Variants in RAB6B observed in about 807,000 individuals in gnomAD.
RAB6B encodes RAB6B, member RAS oncogene family.
RAB6B carries 7 observed loss-of-function variants against 31.2 expected under a neutral mutation model. The observed-to-expected ratio is 0.22, with a 90% CI of 0.13 to 0.42. RAB6B has a LOEUF of 0.42. Among genes scored for constraint, RAB6B ranks in the 10% least tolerant of loss-of-function variants. RAB6B has a pLI of 1.00. For synonymous variants in RAB6B, 105 were observed against 104.9 expected, an observed-to-expected ratio of 1.00 and a Z score of -0.01; for missense variants, 149 against 280.6, an observed-to-expected ratio of 0.53 and a Z score of 3.35.
intron 4 of RAB6B, among the ~76,000 whole-genome samples, 188 bp from the exon 5 acceptor site, chr3:133,839,805 T>G (rs1423250356): frequency 1.3e-5 from 2 of 152,190 alleles, no homozygotes; most frequent in East Asian, 3.9e-4. Context: ...GGCCCTGCCC[T>G]GCGGCCCTGG....
chr3:133,871,807 A>G (rs1405021), intron 1 of RAB6B, among the ~76,000 whole-genome samples: 111,230 of 152,190 alleles, frequency 0.73, 41,166 homozygotes, highest in African/African-American at 0.83. Context: ...CTAGCCCCTC[A>G]CAGAGCCAAG....
intron 2 of RAB6B, among the ~76,000 whole-genome samples, chr3:133,853,530 A>G (rs1936031507): frequency 6.6e-6 from 1 of 151,724 alleles, no homozygotes; most frequent in South Asian, 2.1e-4. Context: ...GCCCCACAGG[A>G]GCTACCATGC....
At chr3:133,853,938 T>A (rs181705223) in intron 2 of RAB6B, among the ~76,000 whole-genome samples, 61 of 152,288 alleles carry the variant, frequency 4.0e-4, no homozygotes, top group Non-Finnish European at 3.7e-4. Context: ...GCAATGTTTC[T>A]CAGTGTGGTT....
At chr3:133,836,042 C>T (rs1279880602) in intron 6 of RAB6B, among the ~76,000 whole-genome samples, 3 of 152,184 alleles carry the variant, frequency 2.0e-5, no homozygotes, top group African/African-American at 7.2e-5. Flanking sequence ...TGGGCTCATA[C>T]CCTCCACTGC....
chr3:133,871,360 A>G (rs1284844409), intron 1 of RAB6B, among the ~76,000 whole-genome samples: 1 of 152,228 alleles, frequency 6.6e-6, no homozygotes, highest in Non-Finnish European at 1.5e-5. Flanking sequence ...ATTTGGGCTG[A>G]GCCTTGATTG....
At chr3:133,879,995 A>G (rs1398644137) in intron 1 of RAB6B, among the ~76,000 whole-genome samples, 1 of 152,182 alleles carries the variant, frequency 6.6e-6, no homozygotes, top group Non-Finnish European at 1.5e-5. Flanking sequence ...GGCTCAACCC[A>G]ACTCTGGCCA....
intron 1 of RAB6B, 118 bp from the exon 2 acceptor site, chr3:133,864,760 G>T: frequency 2.0e-6 from 2 of 998,670 alleles, no homozygotes; most frequent in South Asian, 1.3e-5. Context: ...AGGCCGAGTT[G>T]CAGAAATACA....
intron 1 of RAB6B, among the ~76,000 whole-genome samples, chr3:133,892,419 G>A (rs1356685922): frequency 6.6e-6 from 1 of 152,128 alleles, no homozygotes; most frequent in Non-Finnish European, 1.5e-5. Flanking sequence ...TTCCTCCAGA[G>A]TGGCTTCTCA....
chr3:133,877,777 C>T (rs1218796337), intron 1 of RAB6B, among the ~76,000 whole-genome samples: 3 of 147,714 alleles, frequency 2.0e-5, no homozygotes, highest in South Asian at 2.1e-4. Flanking sequence ...TTATATATAA[C>T]TTAGTTATTA....
intron 1 of RAB6B, among the ~76,000 whole-genome samples, chr3:133,875,666 G>A (rs1020445103): frequency 3.3e-5 from 5 of 152,108 alleles, no homozygotes; most frequent in Non-Finnish European, 7.3e-5. Flanking sequence ...CTGCCCTGGG[G>A]CTTCTAAACT....
At chr3:133,892,741 G>A (rs1198246967) in intron 1 of RAB6B, among the ~76,000 whole-genome samples, 3 of 152,168 alleles carry the variant, frequency 2.0e-5, no homozygotes, top group Non-Finnish European at 4.4e-5. Flanking sequence ...CAGAAGATAA[G>A]GGACCTCTGA....
intron 6 of RAB6B, among the ~76,000 whole-genome samples, chr3:133,835,786 T>C (rs561478272): frequency 6.6e-6 from 1 of 152,158 alleles, no homozygotes; most frequent in African/African-American, 2.4e-5. Flanking sequence ...GGAGCCTGTC[T>C]GCCCCTTCCA....
chr3:133,893,908 A>G (rs1481551158), intron 1 of RAB6B, among the ~76,000 whole-genome samples: 1 of 152,136 alleles, frequency 6.6e-6, no homozygotes, highest in Non-Finnish European at 1.5e-5. Context: ...AGGCAATCAG[A>G]ATCCAGGGCA....
In RAB6B at chr3:133,834,600, A is replaced by G; in HGVS notation, c.537T>C (p.Asn179=). Residue 179 remains asparagine, a synonymous_variant, in exon 7 of 8, where the codon AAT becomes AAC. Transcript: ENST00000285208. ...RVASALPGME[N]VQEKSKEGMI... ...TCCCTTCTTTGCTTTTCTCCTGGAC[A>G]TTCTCCATTCCGGGTAGAGCCGACG... 4.3e-6 allele frequency: 7 copies of G among 1,614,080 alleles called. No individual in the cohort carries two copies. Among genetic ancestry groups the G allele is most frequent in the Non-Finnish European group, 5.9e-6 (7 of 1,179,944 alleles).
intron 1 of RAB6B, among the ~76,000 whole-genome samples, chr3:133,885,306 G>A (rs548106853): frequency 2.0e-5 from 3 of 150,006 alleles, no homozygotes; most frequent in African/African-American, 7.4e-5. Flanking sequence ...CAGAGTATAG[G>A]GGACTCACAC....
intron 2 of RAB6B, among the ~76,000 whole-genome samples, chr3:133,850,704 T>C (rs1043697346): frequency 6.6e-6 from 1 of 151,808 alleles, no homozygotes; most frequent in African/African-American, 2.4e-5. Context: ...GTCCCAGAAG[T>C]AGAGGAGATG....
chr3:133,833,524 C>G (rs1226788952), intron 7 of RAB6B, among the ~76,000 whole-genome samples: 1 of 152,184 alleles, frequency 6.6e-6, no homozygotes. Context: ...TCAGGCTCCC[C>G]CTTGCTGCAG....
At chr3:133,831,298 T>C (rs1046095258) in intron 7 of RAB6B, among the ~76,000 whole-genome samples, 21 of 152,190 alleles carry the variant, frequency 1.4e-4, no homozygotes, top group African/African-American at 5.1e-4. Flanking sequence ...GGGAAACCAA[T>C]TCTACTGATA....
chr3:133,876,358 C>T (rs1256695106), intron 1 of RAB6B, among the ~76,000 whole-genome samples: 1 of 152,164 alleles, frequency 6.6e-6, no homozygotes, highest in Non-Finnish European at 1.5e-5. Context: ...TGCTCCAAGC[C>T]CAGATCTCTG....
Sources: gnomAD v4.1 joint callset for allele counts (sites outside exome capture counted in the v4.1 genomes callset) on GRCh38, gnomAD v4.1.1 for gene constraint, MANE v1.5 for transcripts, NCBI Gene and HGNC (gene_info 2026-07-23, HGNC 2026-07-21) for gene names.